The following PRDM16 variants were observed in gnomAD, a reference collection of about 807,000 sequenced individuals.
The protein encoded by PRDM16 is PR/SET domain 16.
PRDM16 carries 23 observed loss-of-function variants against 110.6 expected under a neutral mutation model. The observed-to-expected ratio is 0.21, with a 90% CI of 0.15 to 0.29. PRDM16 has a LOEUF of 0.29. Ranked by LOEUF, PRDM16 falls within the 10% of genes least tolerant of loss-of-function variation. The pLI is 1.00. For missense variants in PRDM16, 1,615 were observed against 1,794.3 expected (o/e 0.90, Z 1.81); for synonymous variants, 799 against 781.8 (o/e 1.02, Z -0.37).
chr1:3,322,300 G>T (rs891828948), intron 3 of PRDM16, among the ~76,000 whole-genome samples: 3 of 152,120 alleles, frequency 2.0e-5, no homozygotes, highest in African/African-American at 7.2e-5. Context: ...CAGAGCGAGG[G>T]GAAACAGGCC....
At chr1:3,334,938 C>T (rs772708243) in intron 3 of PRDM16, among the ~76,000 whole-genome samples, 15 of 152,348 alleles carry the variant, frequency 9.8e-5, no homozygotes, top group Non-Finnish European at 1.8e-4. Flanking sequence ...GGGCCATCCA[C>T]GCGTCCAACC....
chr1:3,153,743 G>T (rs1294723590), intron 1 of PRDM16, among the ~76,000 whole-genome samples: 1 of 152,246 alleles, frequency 6.6e-6, no homozygotes, highest in African/African-American at 2.4e-5. Context: ...ACAGTCATAT[G>T]CTAAGTAAAC....
intron 4 of PRDM16, chr1:3,394,368 C>CA: frequency 2.6e-6 from 1 of 387,704 alleles, no homozygotes; most frequent in Non-Finnish European, 5.2e-6. Flanking sequence ...GGAGGGCCGC[C>CA]CAGCCCCCGT....
intron 12 of PRDM16, among the ~76,000 whole-genome samples, chr1:3,423,027 C>A (rs577789040): frequency 1.3e-5 from 2 of 152,340 alleles, no homozygotes; most frequent in African/African-American, 4.8e-5. Context: ...CTTTTCCTGT[C>A]TACTGTTGAA....
chr1:3,424,504 A>G (rs1205920624), intron 12 of PRDM16, among the ~76,000 whole-genome samples: 1 of 152,238 alleles, frequency 6.6e-6, no homozygotes, highest in Non-Finnish European at 1.5e-5. Flanking sequence ...TGGAGGCCAG[A>G]TGGAGGAAGG....
At chr1:3,386,548 G>C (rs370259223) in intron 4 of PRDM16, 1 of 151,658 alleles carries the variant, frequency 6.6e-6, no homozygotes, top group African/African-American at 2.4e-5. Flanking sequence ...GGACTTCCGT[G>C]GCCTTCAGTT....
chr1:3,128,793 GTAGC>G (rs1410872576), intron 1 of PRDM16, among the ~76,000 whole-genome samples: 3 of 152,234 alleles, frequency 2.0e-5, no homozygotes, highest in Admixed American at 6.5e-5. Context: ...ATCCTTGGGC[GTAGC>G]CTGAAGAGTG....
intron 2 of PRDM16, among the ~76,000 whole-genome samples, chr1:3,230,638 G>A (rs888627513): frequency 6.6e-5 from 10 of 152,310 alleles, no homozygotes; most frequent in Non-Finnish European, 5.9e-5. Context: ...ACCTTTCCCC[G>A]TGGGAGGCTC....
Position 3,081,748 on chromosome 1 carries a change from C to G in PRDM16, c.37+12452C>G, listed in dbSNP as rs1011621016. Among the ~76,000 whole-genome samples, 1 of 152,004 alleles carries G rather than the reference C, an allele frequency of 6.6e-6. No homozygotes were observed. Among genetic ancestry groups the G allele is most frequent in the East Asian group, 1.9e-4 (1 of 5,142 alleles). On this transcript the variant is annotated intron_variant, in intron 1 of 16. Transcript: ENST00000270722. This position sits in a 1 kb window ranked among gnomAD's most constrained non-coding sequence, Gnocchi z 4.6. ...GTGGGTAGAGCCTGGCCACAGGGCA[C>G]GTGGGAGGCCCCCATGGAAGGCCCG...
rs375554747 is a variant in PRDM16, at chr1:3,196,970, C to G, written c.387+10496C>G. On this transcript the variant is annotated intron_variant, in intron 2 of 16. Transcript: ENST00000270722. ...TCCACTGGGGGACCCCACTGTTGCC[C>G]AGGGGGGTCTGTGCAGCCGCTGAGG... is the stretch of plus-strand genomic sequence containing the variant. 3.7e-4 allele frequency among the ~76,000 whole-genome samples: 56 copies of G among 152,306 alleles called. No homozygotes were observed. In the South Asian group the frequency reaches 0.011, roughly 30 times the overall value.
intron 3 of PRDM16, among the ~76,000 whole-genome samples, chr1:3,313,473 GC>G (rs143967821): frequency 0.011 from 1,644 of 152,316 alleles, 28 homozygotes; most frequent in African/African-American, 0.037. Flanking sequence ...CCGAGGCTCT[GC>G]CGTCCCCACC....
rs1437939774 is a variant in PRDM16, at chr1:3,080,858, C to T, written c.37+11562C>T. 6.6e-6 allele frequency among the ~76,000 whole-genome samples: 1 copy of T among 152,142 alleles called. No homozygotes were observed. The highest frequency in any genetic ancestry group is 2.4e-5 in the African/African-American group (1 of 41,420). On this transcript the variant is annotated intron_variant, in intron 1 of 16. Transcript: ENST00000270722. This position sits in a 1 kb window ranked among gnomAD's most constrained non-coding sequence, Gnocchi z 5.2. Reference sequence around the variant, plus strand: ...GCCCCAGAGACTCGGCGTCTCCGACCCTGAGCCCACATGAGTAGCAGAACC... The same window carrying T: ...GCCCCAGAGACTCGGCGTCTCCGACTCTGAGCCCACATGAGTAGCAGAACC...
chr1:3,301,812 T>C (rs1641214696), intron 3 of PRDM16, among the ~76,000 whole-genome samples: 1 of 152,216 alleles, frequency 6.6e-6, no homozygotes, highest in African/African-American at 2.4e-5. Flanking sequence ...CATTCTGTGT[T>C]TTCCTGTGTG....
intron 2 of PRDM16, among the ~76,000 whole-genome samples, chr1:3,191,722 G>A (rs1478190066): frequency 6.6e-6 from 1 of 152,112 alleles, no homozygotes; most frequent in Non-Finnish European, 1.5e-5. Flanking sequence ...GTCCATTTTG[G>A]TCCCAGGTGA....
intron 3 of PRDM16, chr1:3,307,890 G>A (rs560278364): frequency 5.3e-5 from 8 of 152,194 alleles, no homozygotes; most frequent in Non-Finnish European, 2.9e-5. Flanking sequence ...GGCTCAGCCT[G>A]TGAGAGTTGG....
chr1:3,415,315 C>G (rs1368345614), intron 10 of PRDM16, among the ~76,000 whole-genome samples: 3 of 152,248 alleles, frequency 2.0e-5, no homozygotes, highest in Non-Finnish European at 4.4e-5. Context: ...TGCTGGGAGC[C>G]TGGCCCCTTC....
At position 3,350,706 on chromosome 1, in the gene PRDM16, G is replaced by C. The variant is rs1444410862; in HGVS notation, c.439-34446G>C. ...GGCTTTGGCACCATGCAGCCTCCCA[G>C]ATGGCCGGGCCGGGCTGGTTCCTCC... On this transcript the variant is annotated intron_variant, in intron 3 of 16. Transcript: ENST00000270722. The surrounding 1 kb of genome is among the most constrained non-coding windows in gnomAD (Gnocchi z 7.1). Among the ~76,000 whole-genome samples, 1 of 152,146 alleles carries C rather than the reference G, an allele frequency of 6.6e-6. No homozygotes were observed. Among genetic ancestry groups the C allele is most frequent in the East Asian group, 1.9e-4 (1 of 5,144 alleles).
At position 3,358,143 on chromosome 1, in the gene PRDM16, G is replaced by A. The variant is rs950818025; in HGVS notation, c.439-27009G>A. On this transcript the variant is annotated intron_variant, in intron 3 of 16. Coordinates refer to ENST00000270722, the MANE Select transcript of PRDM16 (RefSeq NM_022114.4). The surrounding 1 kb of genome is among the most constrained non-coding windows in gnomAD (Gnocchi z 4.0). ...CAGTGGGCCTGGCCATGACCCCCTT[G>A]CCCAGGGCAACGTGGACCACACAGA... Among the ~76,000 whole-genome samples, 29 of 152,308 alleles carry A rather than the reference G, an allele frequency of 1.9e-4. No individual in the cohort carries two copies. Among genetic ancestry groups the A allele is most frequent in the Non-Finnish European group, 3.8e-4 (26 of 68,028 alleles).
At chr1:3,102,083 G>T (rs1642546417) in intron 1 of PRDM16, among the ~76,000 whole-genome samples, 1 of 152,214 alleles carries the variant, frequency 6.6e-6, no homozygotes, top group African/African-American at 2.4e-5. Flanking sequence ...TGGGGAGGAT[G>T]CCCCGGCCAC....
Sources: gnomAD v4.1 joint callset for allele counts (sites outside exome capture counted in the v4.1 genomes callset) on GRCh38, gnomAD v4.1.1 for gene constraint, Gnocchi (gnomAD v3.1) non-coding constraint, MANE v1.5 for transcripts, NCBI Gene and HGNC (gene_info 2026-07-23, HGNC 2026-07-21) for gene names.